Variants in CCDC7 observed in about 807,000 individuals in gnomAD.
CCDC7 encodes coiled-coil domain-containing protein 7.
Under a neutral mutation model 196.9 loss-of-function variants are expected in CCDC7, and 183 were observed. The ratio of observed to expected loss-of-function variants is 0.93; its 90% CI spans 0.82 to 1.05. CCDC7 has a LOEUF of 1.05. Ranked by LOEUF, CCDC7 falls within the 50% of genes least tolerant of loss-of-function variation. The probability of loss-of-function intolerance (pLI) is 0.00; values close to 1 mark genes in which losing one functional copy is unlikely to be tolerated. For synonymous variants in CCDC7, 525 were observed against 484.6 expected, an observed-to-expected ratio of 1.08 and a Z score of -1.10; for missense variants, 1,540 against 1,482.2, an observed-to-expected ratio of 1.04 and a Z score of -0.64.
At chr10:32,519,272 T>A (rs2135547692) in intron 11 of CCDC7, among the ~76,000 whole-genome samples, 1 of 152,280 alleles carries the variant, frequency 6.6e-6, no homozygotes, top group African/African-American at 2.4e-5. Flanking sequence ...TAGTAAATTG[T>A]CATGTTGAAG....
rs764735086 is a variant in CCDC7, at chr10:32,854,496, G to C, written c.4111+7G>C. ...GGAAAACCTACCTATAAAGGTAAAA[G>C]AATCACTACAATACAGACATATGAA... On this transcript the variant is annotated splice_region_variant and intron_variant, in intron 41 of 41. Coordinates refer to ENST00000639629, the Ensembl canonical transcript of CCDC7. The C allele has an allele frequency of 1.7e-5, 24 of 1,434,980 alleles. No homozygotes were observed. In the East Asian group the frequency reaches 5.5e-4, roughly 33 times the overall value. 88.9% of individuals were successfully genotyped at this position (1,434,980 alleles called of 1,614,324 possible).
chr10:32,686,007 G>C, exon 22 of CCDC7: 1 of 1,588,936 alleles, frequency 6.3e-7, no homozygotes, highest in East Asian at 2.3e-5. Flanking sequence ...TTGTAGTTGA[G>C]CATCAAGAAT....
intron 20 of CCDC7, among the ~76,000 whole-genome samples, chr10:32,650,017 C>T (rs2068457913): frequency 6.6e-6 from 1 of 152,234 alleles, no homozygotes; most frequent in Non-Finnish European, 1.5e-5. Flanking sequence ...TCATTTCAGA[C>T]AATCCAGACT....
intron 8 of CCDC7, among the ~76,000 whole-genome samples, chr10:32,489,782 T>G (rs2041866744): frequency 6.6e-6 from 1 of 151,992 alleles, no homozygotes; most frequent in Non-Finnish European, 1.5e-5. Context: ...TGAAGGGGGC[T>G]GTGGTGTCTG....
At chr10:32,456,227 A>G (rs776052180) in intron 2 of CCDC7, 24 bp from the exon 4 acceptor site, 3 of 1,493,990 alleles carry the variant, frequency 2.0e-6, no homozygotes, top group Middle Eastern at 1.9e-4. Flanking sequence ...ATGTAACTTT[A>G]TGTTTTATTA....
intron 25 of CCDC7, among the ~76,000 whole-genome samples, chr10:32,722,274 A>G (rs745323892): frequency 6.6e-6 from 1 of 152,132 alleles, no homozygotes; most frequent in Non-Finnish European, 1.5e-5. Flanking sequence ...CAATATAACT[A>G]TACTGTTATA....
At chr10:32,790,368 C>G (rs2082504007) in intron 29 of CCDC7, among the ~76,000 whole-genome samples, 1 of 152,198 alleles carries the variant, frequency 6.6e-6, no homozygotes, top group Non-Finnish European at 1.5e-5. Flanking sequence ...GCCTGCGGAA[C>G]TAACACCACA....
At chr10:32,507,141 C>T (rs113217016) in intron 9 of CCDC7, among the ~76,000 whole-genome samples, 7,625 of 151,502 alleles carry the variant, frequency 0.05, 623 homozygotes, top group African/African-American at 0.17. Context: ...TACAAGTGCG[C>T]GCCACCACAC....
chr10:32,715,656 A>C (rs940523385), intron 25 of CCDC7, among the ~76,000 whole-genome samples: 4 of 152,240 alleles, frequency 2.6e-5, no homozygotes, highest in African/African-American at 9.6e-5. Context: ...AACCTTGGTA[A>C]AATGTCACAG....
chr10:32,657,122 C>A (rs922772892), intron 20 of CCDC7, among the ~76,000 whole-genome samples: 5 of 152,238 alleles, frequency 3.3e-5, no homozygotes, highest in African/African-American at 1.2e-4. Flanking sequence ...TTGTGGGGTA[C>A]AGCCCCATTC....
chr10:32,848,518 AC>A (rs1269755914), intron 38 of CCDC7, 77 bp from the exon 40 acceptor site: 1 of 1,072,718 alleles, frequency 9.3e-7, no homozygotes, highest in Non-Finnish European at 1.4e-6. Flanking sequence ...AGAAATAAAG[AC>A]AAATACGTGG....
exon 32 of CCDC7, chr10:32,824,590 G>T (rs1340027723): frequency 6.2e-7 from 1 of 1,609,408 alleles, no homozygotes; most frequent in Admixed American, 1.7e-5. Context: ...CAGTTAAAGA[G>T]AAAGAGTTAC....
In CCDC7 at chr10:32,617,333, T is replaced by C. The variant is rs1387305576; in HGVS notation, c.1802-16921T>C. ...GATATTTGTTTTTTTCTGTTAACTT[T>C]GGGTTTGGTTTATTCTTTTTCCTCC... On this transcript the variant is annotated intron_variant, in intron 18 of 41. Coordinates refer to ENST00000639629, the Ensembl canonical transcript of CCDC7. Among the ~76,000 whole-genome samples the C allele has an allele frequency of 3.3e-5, 5 of 151,860 alleles. No individual in the cohort carries two copies. In the East Asian group the frequency reaches 9.6e-4, roughly 29 times the overall value.
chr10:32,654,178 A>G (rs989185762), intron 20 of CCDC7, among the ~76,000 whole-genome samples: 4 of 152,160 alleles, frequency 2.6e-5, no homozygotes, highest in Non-Finnish European at 4.4e-5. Context: ...GGAAATTTAT[A>G]TCATGCTATT....
intron 18 of CCDC7, among the ~76,000 whole-genome samples, chr10:32,617,269 A>G (rs929799936): frequency 6.6e-6 from 1 of 150,392 alleles, no homozygotes; most frequent in Admixed American, 6.6e-5. Context: ...TTTGTGTTTT[A>G]TTTTGTTTTC....
At chr10:32,826,663 A>G (rs1050874552) in intron 32 of CCDC7, among the ~76,000 whole-genome samples, 1 of 152,140 alleles carries the variant, frequency 6.6e-6, no homozygotes, top group African/African-American at 2.4e-5. Flanking sequence ...GGAGTTCCCT[A>G]TGATCAGTGG....
chr10:32,477,685 C>T (rs924026080), intron 8 of CCDC7, among the ~76,000 whole-genome samples: 3 of 151,908 alleles, frequency 2.0e-5, no homozygotes, highest in African/African-American at 7.3e-5. Context: ...TGTTTTTGGA[C>T]TCTTTATTCT....
intron 28 of CCDC7, 77 bp from the exon 30 acceptor site, chr10:32,778,900 G>A: frequency 1.0e-6 from 1 of 1,002,952 alleles, no homozygotes. Context: ...CACCTTCTTG[G>A]TTACATGCAT....
At chr10:32,622,253 C>G (rs535675960) in intron 18 of CCDC7, among the ~76,000 whole-genome samples, 32 of 152,280 alleles carry the variant, frequency 2.1e-4, no homozygotes, top group African/African-American at 5.3e-4. Flanking sequence ...GTCCTATCTA[C>G]TTGCTCTGGC....
Sources: allele counts gnomAD v4.1 joint callset (sites outside exome capture counted in the v4.1 genomes callset), GRCh38; gene constraint gnomAD v4.1.1; transcripts MANE v1.5; gene names NCBI Gene and HGNC (gene_info 2026-07-23, HGNC 2026-07-21).